Variants in TRPM3 observed in about 807,000 individuals in gnomAD.
The protein encoded by TRPM3 is long transient receptor potential channel 3.
TRPM3 carries 77 observed loss-of-function variants against 181.2 expected under a neutral mutation model. That is an observed-to-expected ratio of 0.42 (90% CI 0.35 to 0.51). The LOEUF is 0.51. Ranked by LOEUF, TRPM3 falls within the 20% of genes least tolerant of loss-of-function variation. The pLI is 0.01. For missense variants in TRPM3, 1,759 were observed against 2,196.7 expected (o/e 0.80, Z 3.98); for synonymous variants, 745 against 796.4 (o/e 0.94, Z 1.09).
At chr9:71,380,283 G>A (rs561212199) in intron 1 of TRPM3, among the ~76,000 whole-genome samples, 43 of 151,898 alleles carry the variant, frequency 2.8e-4, no homozygotes, top group African/African-American at 9.2e-4. Flanking sequence ...TATATACAAG[G>A]CACAAAATGA....
At chr9:70,988,923 T>G (rs543427181) in intron 1 of TRPM3, among the ~76,000 whole-genome samples, 57 of 152,254 alleles carry the variant, frequency 3.7e-4, no homozygotes, top group African/African-American at 1.3e-3. Context: ...TGGAAATGAA[T>G]TTTACACTAA....
intron 1 of TRPM3, among the ~76,000 whole-genome samples, chr9:71,237,104 A>T (rs186596555): frequency 2.8e-4 from 36 of 129,906 alleles, no homozygotes; most frequent in African/African-American, 1.1e-3. Context: ...GGATGGGGAA[A>T]GGGGAAAGGA....
chr9:71,368,017 T>C (rs944073069), intron 1 of TRPM3, among the ~76,000 whole-genome samples: 2 of 151,816 alleles, frequency 1.3e-5, no homozygotes, highest in African/African-American at 4.8e-5. Context: ...AGTGTATGTG[T>C]ACACACACAC....
At chr9:70,950,374 G>T (rs1380937211) in intron 1 of TRPM3, among the ~76,000 whole-genome samples, 1 of 152,100 alleles carries the variant, frequency 6.6e-6, no homozygotes, top group East Asian at 1.9e-4. Flanking sequence ...ATGCATTTTT[G>T]ACTTGATCCA....
At chr9:71,140,295 C>A (rs923121257) in intron 1 of TRPM3, among the ~76,000 whole-genome samples, 2 of 152,122 alleles carry the variant, frequency 1.3e-5, no homozygotes, top group Admixed American at 6.6e-5. Context: ...AAAAGTTCAC[C>A]TCCTCAAAGT....
chr9:71,176,933 G>C (rs2174307), intron 1 of TRPM3, among the ~76,000 whole-genome samples: 61,441 of 151,810 alleles, frequency 0.4, 12,726 homozygotes, highest in East Asian at 0.52. Context: ...GGCCATGGAC[G>C]AGTACCAGTT....
rs1377313249 is a variant in TRPM3 at position 71,049,405 on chromosome 9, A to T, written c.177+71773T>A. Among the ~76,000 whole-genome samples the T allele has an allele frequency of 2.6e-5, 4 of 152,298 alleles. 1 individual carries two copies. The Middle Eastern group carries it at 0.01, about 389-fold the overall frequency. On this transcript the variant is annotated intron_variant, in intron 1 of 25. Coordinates refer to ENST00000677713, the MANE Select transcript of TRPM3 (RefSeq NM_001366145.2). ...CCAAATCCTAGAACATATATACTGA[A>T]ATATAGTATATAATATCAATACTCT...
chr9:70,915,291 T>A (rs1184668606), intron 1 of TRPM3, among the ~76,000 whole-genome samples: 1 of 151,930 alleles, frequency 6.6e-6, no homozygotes, highest in African/African-American at 2.4e-5. Context: ...AAAAAATGCA[T>A]CAGAGTCTTT....
chr9:71,397,035 C>T (rs1044394232), intron 1 of TRPM3, among the ~76,000 whole-genome samples: 6 of 151,840 alleles, frequency 4.0e-5, no homozygotes, highest in Non-Finnish European at 8.8e-5. Flanking sequence ...TCTTCCCCTT[C>T]AATGTTCATA....
chr9:71,264,072 G>C (rs2083230563), intron 1 of TRPM3, among the ~76,000 whole-genome samples: 1 of 152,168 alleles, frequency 6.6e-6, no homozygotes, highest in Non-Finnish European at 1.5e-5. Context: ...GGGATTACAG[G>C]TGTGAGCCAC....
At chr9:71,088,143 G>C (rs2065609513) in intron 1 of TRPM3, among the ~76,000 whole-genome samples, 1 of 152,094 alleles carries the variant, frequency 6.6e-6, no homozygotes, top group African/African-American at 2.4e-5. Flanking sequence ...TCGGGTTACA[G>C]TGATTCCTCA....
At chr9:71,416,388 T>C (rs2093637512) in intron 1 of TRPM3, among the ~76,000 whole-genome samples, 2 of 151,914 alleles carry the variant, frequency 1.3e-5, no homozygotes, top group Admixed American at 1.3e-4. Context: ...ATGATAGTTT[T>C]TGCTGTTTTA....
At chr9:71,033,667 T>C (rs1202053533) in intron 1 of TRPM3, among the ~76,000 whole-genome samples, 2 of 152,238 alleles carry the variant, frequency 1.3e-5, no homozygotes, top group African/African-American at 4.8e-5. Context: ...CACCTTCTCC[T>C]ACCATGCAGT....
intron 1 of TRPM3, among the ~76,000 whole-genome samples, chr9:71,157,493 C>T (rs1016309685): frequency 6.6e-6 from 1 of 152,026 alleles, no homozygotes; most frequent in Non-Finnish European, 1.5e-5. Flanking sequence ...CGTGCCTCTT[C>T]GACAGTTAAG....
At position 70,827,883 on chromosome 9, in the gene TRPM3, G is replaced by A. The variant is rs2093650272; in HGVS notation, c.937C>T (p.Leu313=). ...TTCTGGAGTGAAATATGCTTTTCCA[G>A]TTGTCTTCGAAGTTTCACCTCTGCT... ...YGAEVKLRRQ[L]EKHISLQKIN... Residue 313 remains leucine, a synonymous_variant, in exon 6 of 26, where the codon CTG becomes TTG. Coordinates refer to ENST00000677713, the MANE Select transcript of TRPM3 (RefSeq NM_001366145.2). 1 of 1,613,992 alleles carries A rather than the reference G, an allele frequency of 6.2e-7. No individual in the cohort carries two copies. The highest frequency in any genetic ancestry group is 1.3e-5 in the African/African-American group (1 of 74,924).
chr9:71,044,499 T>A (rs1402503909), intron 1 of TRPM3, among the ~76,000 whole-genome samples: 1 of 152,244 alleles, frequency 6.6e-6, no homozygotes, highest in African/African-American at 2.4e-5. Context: ...TTCTTTCTAG[T>A]TATTTCTACT....
At chr9:70,631,509 A>C (rs2065862751) in intron 12 of TRPM3, among the ~76,000 whole-genome samples, 3 of 152,116 alleles carry the variant, frequency 2.0e-5, no homozygotes, top group Admixed American at 6.6e-5. Flanking sequence ...AGGTAATTTG[A>C]AGTATTAGCA....
intron 1 of TRPM3, among the ~76,000 whole-genome samples, chr9:71,131,042 A>G (rs1418840986): frequency 1.3e-5 from 2 of 152,210 alleles, no homozygotes; most frequent in Non-Finnish European, 2.9e-5. Context: ...AAAATCATCT[A>G]GTTCTCTCCA....
chr9:70,647,506 A>G (rs1749641821), intron 9 of TRPM3, among the ~76,000 whole-genome samples: 1 of 152,226 alleles, frequency 6.6e-6, no homozygotes, highest in African/African-American at 2.4e-5. Flanking sequence ...TTATGTTAAA[A>G]ACCTTCAACA....
Sources: gnomAD v4.1 joint callset for allele counts (sites outside exome capture counted in the v4.1 genomes callset) on GRCh38, gnomAD v4.1.1 for gene constraint, MANE v1.5 for transcripts, NCBI Gene and HGNC (gene_info 2026-07-23, HGNC 2026-07-21) for gene names.